The following MYH11 variants were observed in gnomAD, a reference collection of about 807,000 sequenced individuals.
MYH11 encodes the protein myosin heavy chain 11.
A neutral mutation model predicts 246.6 loss-of-function variants in MYH11; 80 were observed. The ratio of observed to expected loss-of-function variants is 0.32; its 90% confidence interval spans 0.27 to 0.39. MYH11 has a LOEUF of 0.39. MYH11 is among the 10% of genes least tolerant of loss of function. MYH11 has a pLI of 1.00. For synonymous variants in MYH11, 1,071 were observed against 1,015.5 expected (o/e 1.05, Z -1.04); for missense variants, 2,158 against 2,546.8 (o/e 0.85, Z 3.29).
chr16:15,779,717 A>G (rs2042302776), intron 6 of MYH11, among the ~76,000 whole-genome samples: 1 of 152,198 alleles, frequency 6.6e-6, no homozygotes, highest in Non-Finnish European at 1.5e-5. Flanking sequence ...GGAATGGCTC[A>G]TGTTCCTGGC....
At chr16:15,745,263 G>T in intron 19 of MYH11, 26 bp from the exon 20 acceptor site, 2 of 1,559,552 alleles carry the variant, frequency 1.3e-6, no homozygotes, top group Non-Finnish European at 8.8e-7. Flanking sequence ...GAGAAGGTGC[G>T]GGGGTCATGA....
At position 15,797,784 on chromosome 16, in the gene MYH11, G is replaced by C. The variant is rs970873309; in HGVS notation, c.530+876C>G. Among the ~76,000 whole-genome samples, 8 of 151,982 alleles carry C rather than the reference G, an allele frequency of 5.3e-5. 1 individual carries two copies. Among genetic ancestry groups the C allele is most frequent in the African/African-American group, 1.9e-4 (8 of 41,352 alleles). On this transcript the variant is annotated intron_variant, in intron 4 of 40. Transcript: ENST00000300036. Reference sequence around the variant, plus strand: ...CACGTTCCCAGCTCAGGTTGAACAGGGGAATGCTCTACCTTCTAGTTTCAA... The same window carrying C: ...CACGTTCCCAGCTCAGGTTGAACAGCGGAATGCTCTACCTTCTAGTTTCAA...
chr16:15,703,391 C>A lies in MYH11; in HGVS notation c.*600G>T, dbSNP rs370591283. On this transcript the variant is annotated 3_prime_UTR_variant, in exon 41 of 41. Transcript: ENST00000300036. ...ATTGGGAGTGGGGGCCGGCGGCACC[C>A]ATTTCGGTGACTTTCTCCCCATTTC... The A allele has an allele frequency of 1.6e-4, 39 of 238,360 alleles. No homozygotes were observed. Among genetic ancestry groups the A allele is most frequent in the African/African-American group, 8.4e-4 (38 of 45,316 alleles). The allele number at this position is 238,360 out of a possible 1,614,324, so 14.8% of individuals were successfully genotyped here.
At chr16:15,837,382 T>G (rs1430929527) in intron 2 of MYH11, among the ~76,000 whole-genome samples, 2 of 152,156 alleles carry the variant, frequency 1.3e-5, no homozygotes, top group Non-Finnish European at 2.9e-5. Flanking sequence ...ACACCTCCTG[T>G]CTGTAATGAG....
chr16:15,732,748 A>G lies in MYH11; in HGVS notation c.3507-40T>C, dbSNP rs770189528. On this transcript the variant is annotated intron_variant, in intron 26 of 40. Coordinates refer to ENST00000300036, the MANE Select transcript of MYH11 (RefSeq NM_002474.3). ...CACAGTGAATGGCAGTTGGGTGGAGACAGAGGGTCATCTCAGTGCCGTGCA... is the reference window on the plus strand; with the variant it reads ...CACAGTGAATGGCAGTTGGGTGGAGGCAGAGGGTCATCTCAGTGCCGTGCA... 2.5e-6 allele frequency: 4 copies of G among 1,613,140 alleles called. No homozygotes were observed. In the East Asian group the frequency reaches 6.7e-5, roughly 27 times the overall value.
chr16:15,790,259 C>T (rs756698772), intron 4 of MYH11, among the ~76,000 whole-genome samples: 3 of 151,942 alleles, frequency 2.0e-5, no homozygotes, highest in Non-Finnish European at 4.4e-5. Context: ...GAGCTGAGCT[C>T]GTGCCACTGC....
chr16:15,814,574 A>AAAAAAAAAAAAAAAAAAAAAAAAG (rs2043219540), intron 3 of MYH11, among the ~76,000 whole-genome samples: 1 of 137,784 alleles, frequency 7.3e-6, no homozygotes, highest in Non-Finnish European at 1.5e-5. Context: ...AAAAAAAAAA[A>AAAAAAAAAAAAAAAAAAAAAAAAG]AAAAAAAAAA....
intron 3 of MYH11, among the ~76,000 whole-genome samples, chr16:15,815,948 C>CA (rs11343062): frequency 1.3e-5 from 2 of 151,868 alleles, no homozygotes; most frequent in Non-Finnish European, 2.9e-5. Context: ...AAAGCTCAGG[C>CA]AAAAAAAGTT....
At chr16:15,811,913 T>C (rs1183459185) in intron 3 of MYH11, among the ~76,000 whole-genome samples, 1 of 152,112 alleles carries the variant, frequency 6.6e-6, no homozygotes, top group Non-Finnish European at 1.5e-5. Context: ...GTGCAGAGGC[T>C]CAGAATGGAA....
chr16:15,818,264 A>C (rs1167877005), intron 3 of MYH11, among the ~76,000 whole-genome samples: 1 of 151,302 alleles, frequency 6.6e-6, no homozygotes, highest in East Asian at 2.0e-4. Context: ...CCAGTGACTT[A>C]ACAGAATGAG....
chr16:15,826,306 G>A (rs897553936), intron 2 of MYH11, among the ~76,000 whole-genome samples: 1 of 152,090 alleles, frequency 6.6e-6, no homozygotes, highest in Non-Finnish European at 1.5e-5. Flanking sequence ...GGGAAAGTCT[G>A]GCTGGGTGTG....
Position 15,749,914 on chromosome 16 carries a change from G to C in MYH11, c.2058+224C>G, listed in dbSNP as rs1346324538. 6.5e-6 allele frequency: 4 copies of C among 611,814 alleles called. No individual in the cohort carries two copies. In the East Asian group the frequency reaches 1.1e-4, roughly 17 times the overall value. The allele number at this position is 611,814 out of a possible 1,614,324, so 37.9% of individuals were successfully genotyped here. A position where few individuals can be genotyped will look rare whatever the true frequency, so the allele number is the denominator to read the frequency against. On this transcript the variant is annotated intron_variant, in intron 16 of 40. Coordinates refer to ENST00000300036, the MANE Select transcript of MYH11 (RefSeq NM_002474.3). ...GGGATAATGAATGAATGAGTGGCTGGATGACCTGCACAGCAACTCCACAAC... is the reference window on the plus strand; with the variant it reads ...GGGATAATGAATGAATGAGTGGCTGCATGACCTGCACAGCAACTCCACAAC...
At chr16:15,843,639 G>A (rs1238724169) in intron 1 of MYH11, among the ~76,000 whole-genome samples, 1 of 151,488 alleles carries the variant, frequency 6.6e-6, no homozygotes, top group Non-Finnish European at 1.5e-5. Flanking sequence ...CTTGCAGTGA[G>A]TGGGTGAGTG....
chr16:15,822,610 G>A lies in MYH11; in HGVS notation c.502+645C>T, dbSNP rs571354636. 3.7e-3 allele frequency among the ~76,000 whole-genome samples: 563 copies of A among 152,304 alleles called. 8 individuals carry two copies. The highest frequency in any genetic ancestry group is 0.013 in the African/African-American group (526 of 41,552). The stretch of plus-strand genomic sequence containing the variant: ...CACACCTATAGTCCCAGCTACTTGG[G>A]AGGCTGAGGCAGGAGAATTGCTTGA... On this transcript the variant is annotated intron_variant, in intron 3 of 40. Transcript: ENST00000300036.
chr16:15,852,819 G>T (rs985309915), intron 1 of MYH11, among the ~76,000 whole-genome samples: 1 of 152,018 alleles, frequency 6.6e-6, no homozygotes. Context: ...AGCCTATCGG[G>T]GTCTTGAAAG....
chr16:15,829,502 G>A (rs765055400), intron 2 of MYH11, among the ~76,000 whole-genome samples: 2 of 152,168 alleles, frequency 1.3e-5, no homozygotes, highest in Non-Finnish European at 2.9e-5. Context: ...ACATTATTCA[G>A]CCACTTCTCC....
intron 2 of MYH11, among the ~76,000 whole-genome samples, chr16:15,832,699 A>C (rs1567207614): frequency 1.3e-5 from 2 of 152,150 alleles, no homozygotes; most frequent in South Asian, 2.1e-4. Flanking sequence ...TAAAAGGTTC[A>C]ATTCCTTCTT....
chr16:15,785,007 G>GCTTTTTTTTTTT (rs1567759451), intron 5 of MYH11: 1 of 66,916 alleles, frequency 1.5e-5, no homozygotes. Flanking sequence ...TAATTCTCTT[G>GCTTTTTTTTTTT]ATTTTTTTTT....
At chr16:15,739,578 G>C (rs2041213436) in intron 23 of MYH11, among the ~76,000 whole-genome samples, 1 of 152,156 alleles carries the variant, frequency 6.6e-6, no homozygotes, top group African/African-American at 2.4e-5. Flanking sequence ...CTGACATCCA[G>C]CTCAAAGAAC....
Sources: allele counts gnomAD v4.1 joint callset (sites outside exome capture counted in the v4.1 genomes callset), GRCh38; gene constraint gnomAD v4.1.1; transcripts MANE v1.5; gene names NCBI Gene and HGNC (gene_info 2026-07-23, HGNC 2026-07-21).